SESTD1: variants seen among roughly 807,000 people sequenced by gnomAD.
The protein encoded by SESTD1 is SEC14 and spectrin domain containing 1, also known as SEC14 domain and spectrin repeat-containing protein 1.
SESTD1 carries 43 observed loss-of-function variants against 101.7 expected under a neutral mutation model. The observed-to-expected ratio is 0.42, with a 90% CI of 0.33 to 0.55. The LOEUF (loss-of-function observed/expected upper bound fraction) is 0.55, where lower values mean the gene tolerates loss of function less well. SESTD1 is among the 20% of genes least tolerant of loss of function. The pLI, the probability that SESTD1 is intolerant of heterozygous loss-of-function variation, is 0.07. For missense variants in SESTD1, 647 were observed against 815.1 expected (o/e 0.79, Z 2.51); for synonymous variants, 283 against 286.8 (o/e 0.99, Z 0.13).
At chr2:179,241,820 G>A (rs1054744059) in intron 1 of SESTD1, among the ~76,000 whole-genome samples, 5 of 151,898 alleles carry the variant, frequency 3.3e-5, no homozygotes, top group African/African-American at 7.3e-5. Flanking sequence ...TACTGGAGAG[G>A]CTGAGGCAGG....
intron 1 of SESTD1, among the ~76,000 whole-genome samples, chr2:179,193,719 T>C (rs2046351241): frequency 1.3e-5 from 2 of 152,184 alleles, no homozygotes; most frequent in Admixed American, 6.5e-5. Context: ...TCCAGTCCCA[T>C]CATGGGACAA....
rs369892806 is a variant in SESTD1 at position 179,112,840 on chromosome 2, C to G, written c.1845G>C (p.Leu615Phe). ...CTTCAGGCTCTTCTGGACAGTCCTG[C>G]AAAATCTGCAACAAATAAAAGAGCA... The part of the protein sequence containing the change: ...IAFHSNAEKI[L>F]QDCPEEPEAI... The change falls in exon 17 of 18, where the codon TTG becomes TTC. Residue 615 changes from leucine (L) to phenylalanine (F), a missense_variant. Physicochemically the swap from Leu to Phe is conservative, Grantham distance 22 (BLOSUM62 0). Around this residue, in one of 3 missense-constraint regions of SESTD1, gnomAD observed 476 missense variants for 562.6 expected, o/e 0.85. Coordinates refer to ENST00000428443, the MANE Select transcript of SESTD1 (RefSeq NM_178123.5). The G allele has an allele frequency of 1.2e-5, 20 of 1,607,718 alleles. No individual in the cohort carries two copies. The highest frequency in any genetic ancestry group is 1.7e-5 in the Non-Finnish European group (20 of 1,179,030).
intron 5 of SESTD1, among the ~76,000 whole-genome samples, chr2:179,151,744 G>A (rs916096079): frequency 1.1e-4 from 16 of 151,972 alleles, no homozygotes; most frequent in Non-Finnish European, 2.1e-4. Context: ...AATTAGCTAA[G>A]GACATTAAAA....
At chr2:179,184,098 GGTA>G (rs1414656767) in intron 2 of SESTD1, among the ~76,000 whole-genome samples, 1 of 152,066 alleles carries the variant, frequency 6.6e-6, no homozygotes, top group Admixed American at 6.6e-5. Context: ...CTGAAATCCC[GGTA>G]GTAGAATACA....
intron 1 of SESTD1, among the ~76,000 whole-genome samples, chr2:179,196,996 G>A (rs1032971417): frequency 5.9e-5 from 9 of 152,168 alleles, no homozygotes; most frequent in East Asian, 1.9e-4. Context: ...GGCTTCAGAC[G>A]ATCAAATTTC....
intron 1 of SESTD1, among the ~76,000 whole-genome samples, chr2:179,249,475 T>C (rs1217383977): frequency 2.0e-5 from 3 of 152,164 alleles, no homozygotes; most frequent in African/African-American, 4.8e-5. Flanking sequence ...ATAATACTTG[T>C]ATGCTGGAAA....
At chr2:179,134,818 T>G (rs1482744917) in intron 9 of SESTD1, among the ~76,000 whole-genome samples, 1 of 152,200 alleles carries the variant, frequency 6.6e-6, no homozygotes, top group Non-Finnish European at 1.5e-5. Flanking sequence ...TACAAACTAT[T>G]GACTGTTAAT....
intron 1 of SESTD1, among the ~76,000 whole-genome samples, chr2:179,263,112 G>A (rs901516846): frequency 1.3e-5 from 2 of 152,144 alleles, no homozygotes; most frequent in African/African-American, 4.8e-5. Context: ...ACGATTTCCT[G>A]GAATTTGGAA....
In SESTD1 at chr2:179,199,494, C is replaced by T. The variant is rs541423762; in HGVS notation, c.-25-7628G>A. Among the ~76,000 whole-genome samples, 5 of 152,196 alleles carry T rather than the reference C, an allele frequency of 3.3e-5. No homozygotes were observed. In the East Asian group the frequency reaches 9.7e-4, roughly 29 times the overall value. On this transcript the variant is annotated intron_variant, in intron 1 of 17. Transcript: ENST00000428443. ...TCCTGATACCAAAGCCAGGCAGAGA[C>T]AAAATCAAAAAAGAGAATTTTAGAC...
At chr2:179,239,266 G>T (rs1005820796) in intron 1 of SESTD1, among the ~76,000 whole-genome samples, 1 of 152,024 alleles carries the variant, frequency 6.6e-6, no homozygotes, top group Non-Finnish European at 1.5e-5. Flanking sequence ...GAATAATCCT[G>T]AATTCTGTTA....
rs1368434281 is a variant in SESTD1, at chr2:179,102,684, A to G, written c.*7215T>C. On this transcript the variant is annotated 3_prime_UTR_variant, in exon 18 of 18. Coordinates refer to ENST00000428443, the MANE Select transcript of SESTD1 (RefSeq NM_178123.5). The stretch of plus-strand genomic sequence containing the variant: ...GAAACACACAGATGATTATAATTCT[A>G]TAGACTAATACAGGTGAATGCTGTA... The G allele has an allele frequency of 4.6e-5, 7 of 152,152 alleles. No homozygotes were observed. The highest frequency in any genetic ancestry group is 8.8e-5 in the Non-Finnish European group (6 of 68,016). The allele number at this position is 152,152 out of a possible 1,614,324, so 9.4% of individuals were successfully genotyped here. A position where few individuals can be genotyped will look rare whatever the true frequency, so the allele number is the denominator to read the frequency against.
chr2:179,123,285 A>G (rs982440206), intron 12 of SESTD1, among the ~76,000 whole-genome samples: 4 of 152,230 alleles, frequency 2.6e-5, no homozygotes, highest in African/African-American at 9.6e-5. Context: ...TGGTGAGACA[A>G]GAACCAAAAA....
chr2:179,149,080 AAAAAAAAAAAAG>A, intron 7 of SESTD1, among the ~76,000 whole-genome samples: 1 of 133,380 alleles, frequency 7.5e-6, no homozygotes, highest in Non-Finnish European at 1.6e-5. Flanking sequence ...AAAAAAAAAA[AAAAAAAAAAAAG>A]GCTTTTGTGA....
rs545995770 is a variant in SESTD1, at chr2:179,199,405, A to T, written c.-25-7539T>A. Among the ~76,000 whole-genome samples, 93 of 152,298 alleles carry T rather than the reference A, an allele frequency of 6.1e-4. 2 individuals carry two copies. In the South Asian group the frequency reaches 0.018, roughly 29 times the overall value. On this transcript the variant is annotated intron_variant, in intron 1 of 17. Transcript: ENST00000428443. ...GGAGGAACTGGGACCATTCCTTCTG[A>T]AACTATTCCAATCAATAGAAAAAGA...
chr2:179,103,988 G>T lies in SESTD1; in HGVS notation c.*5911C>A, dbSNP rs2044327303. 1 of 152,116 alleles carries T rather than the reference G, an allele frequency of 6.6e-6. No individual in the cohort carries two copies. The highest frequency in any genetic ancestry group is 2.4e-5 in the African/African-American group (1 of 41,428). The allele number at this position is 152,116 out of a possible 1,614,324, so 9.4% of individuals were successfully genotyped here. A position where few individuals can be genotyped will look rare whatever the true frequency, so the allele number is the denominator to read the frequency against. On this transcript the variant is annotated 3_prime_UTR_variant, in exon 18 of 18. Transcript: ENST00000428443. ...ATGTGACAAAGCAAGCATAGGTAAT[G>T]CTAATTAGCATCTAGGTAGTGAGTA...
chr2:179,183,886 G>C (rs974587050), intron 2 of SESTD1, among the ~76,000 whole-genome samples: 6 of 147,952 alleles, frequency 4.1e-5, no homozygotes, highest in Middle Eastern at 3.4e-3. Flanking sequence ...GGAAGGAAGG[G>C]AGGAAACGAG....
intron 1 of SESTD1, among the ~76,000 whole-genome samples, chr2:179,205,839 C>A (rs2046583986): frequency 7.5e-6 from 1 of 134,090 alleles, no homozygotes; most frequent in African/African-American, 3.0e-5. Context: ...CTAGAGTCTC[C>A]TTTCCATCAA....
chr2:179,215,263 A>G lies in SESTD1; in HGVS notation c.-25-23397T>C, dbSNP rs1352373227. The stretch of plus-strand genomic sequence containing the variant: ...ACTAGCAAGATTAATAAATAAGAAA[A>G]GAGAGAAGAATCAAACAGATGCAAT... On this transcript the variant is annotated intron_variant, in intron 1 of 17. Transcript: ENST00000428443. 3.7e-5 allele frequency among the ~76,000 whole-genome samples: 5 copies of G among 135,466 alleles called. 2 individuals carry two copies. Among genetic ancestry groups the G allele is most frequent in the African/African-American group, 1.5e-4 (5 of 34,448 alleles). 88.9% of individuals were successfully genotyped at this position (135,466 alleles called of 152,430 possible).
chr2:179,183,647 A>G (rs1229909662), intron 2 of SESTD1, among the ~76,000 whole-genome samples: 2 of 152,102 alleles, frequency 1.3e-5, no homozygotes, highest in African/African-American at 2.4e-5. Context: ...AGCTGCAGTA[A>G]ATGTGAAAAG....
Sources: allele counts gnomAD v4.1 joint callset (sites outside exome capture counted in the v4.1 genomes callset), GRCh38; gene constraint gnomAD v4.1.1; regional missense constraint gnomAD v4.1.1; transcripts MANE v1.5; gene names NCBI Gene and HGNC (gene_info 2026-07-23, HGNC 2026-07-21).